Variants in SAMHD1 observed in about 807,000 individuals in gnomAD.
SAMHD1 encodes the protein SAM and HD domain containing deoxynucleoside triphosphate triphosphohydrolase 1, also known as deoxynucleoside triphosphate triphosphohydrolase SAMHD1.
In SAMHD1, 54 loss-of-function variants were observed where a neutral mutation model predicts 79.6. That is an observed-to-expected ratio of 0.68 (90% CI 0.55 to 0.85). SAMHD1 has a LOEUF of 0.85. Ranked by LOEUF, SAMHD1 falls within the 40% of genes least tolerant of loss-of-function variation. The probability of loss-of-function intolerance (pLI) is 0.00; values close to 1 mark genes in which losing one functional copy is unlikely to be tolerated. For synonymous variants in SAMHD1, 260 were observed against 264.1 expected (o/e 0.98, Z 0.15); for missense variants, 663 against 782.7 (o/e 0.85, Z 1.82).
At chr20:36,918,066 G>A (rs1419953129) in intron 7 of SAMHD1, among the ~76,000 whole-genome samples, 2 of 151,562 alleles carry the variant, frequency 1.3e-5, no homozygotes, top group East Asian at 3.9e-4. Context: ...TGCCCAGGCT[G>A]GAGTGCAGTT....
intron 13 of SAMHD1, among the ~76,000 whole-genome samples, chr20:36,902,551 G>A (rs113238694): frequency 1.6e-4 from 24 of 152,130 alleles, no homozygotes; most frequent in African/African-American, 5.8e-4. Flanking sequence ...TTTCGTGACC[G>A]GAAATTTATA....
In SAMHD1 at chr20:36,919,536, CA is replaced by C; in HGVS notation, c.697-18del. The C allele has an allele frequency of 6.2e-7, 1 of 1,612,172 alleles. No homozygotes were observed. Among genetic ancestry groups the C allele is most frequent in the South Asian group, 1.1e-5 (1 of 90,962 alleles). On this transcript the variant is annotated intron_variant, in intron 6 of 15. Coordinates refer to ENST00000646673, the MANE Select transcript of SAMHD1 (RefSeq NM_015474.4). The stretch of plus-strand genomic sequence containing the variant: ...TTGTTCATGCTAGGAAAAGTAAGCA[CA>C]ATATGATGTGTTAAAGATTCTAGCC...
At chr20:36,950,788 G>T (rs770315956) in intron 1 of SAMHD1, among the ~76,000 whole-genome samples, 5 of 152,136 alleles carry the variant, frequency 3.3e-5, no homozygotes, top group Non-Finnish European at 7.3e-5. Flanking sequence ...CCTATCGGGC[G>T]CTGCTGGGAT....
At chr20:36,894,018 T>C (rs1482223429) in intron 15 of SAMHD1, 3 of 398,072 alleles carry the variant, frequency 7.5e-6, no homozygotes, top group Non-Finnish European at 1.3e-5. Context: ...TATTCTGTGG[T>C]TCTAGCTTTT....
chr20:36,938,033 A>G (rs1363596547), intron 3 of SAMHD1, among the ~76,000 whole-genome samples: 1 of 150,864 alleles, frequency 6.6e-6, no homozygotes, highest in Non-Finnish European at 1.5e-5. Context: ...TAATTTTTCT[A>G]TTGTTTTCTA....
rs1466390431 is a variant in SAMHD1 at position 36,892,567 on chromosome 20, G to C, written c.*365C>G. The C allele has an allele frequency of 3.4e-6, 1 of 294,126 alleles. No individual in the cohort carries two copies. Among genetic ancestry groups the C allele is most frequent in the East Asian group, 9.1e-5 (1 of 11,040 alleles). The allele number at this position is 294,126 out of a possible 1,614,324, so 18.2% of individuals were successfully genotyped here. A position where few individuals can be genotyped will look rare whatever the true frequency, so the allele number is the denominator to read the frequency against. ...GCTACTTGGGGGGCTGAGGCAGGAG[G>C]GTCGCTTGAGCCCAGGAAAGTTCGA... is the stretch of plus-strand genomic sequence containing the variant. On this transcript the variant is annotated 3_prime_UTR_variant, in exon 16 of 16. Coordinates refer to ENST00000646673, the MANE Select transcript of SAMHD1 (RefSeq NM_015474.4).
intron 12 of SAMHD1, 70 bp downstream of exon 12, chr20:36,905,294 A>G: frequency 1.3e-6 from 2 of 1,498,996 alleles, no homozygotes; most frequent in Non-Finnish European, 1.9e-6. Flanking sequence ...TAGTATCACG[A>G]TAGGTTAGTG....
At chr20:36,914,761 C>T (rs1034566181) in intron 9 of SAMHD1, among the ~76,000 whole-genome samples, 1 of 151,546 alleles carries the variant, frequency 6.6e-6, no homozygotes, top group African/African-American at 2.4e-5. Flanking sequence ...AATACCAGCA[C>T]TTTGGGAGGC....
rs985047071 is a variant in SAMHD1, at chr20:36,950,191, C to T, written c.208+1245G>A. On this transcript the variant is annotated intron_variant, in intron 1 of 15. Transcript: ENST00000646673. Reference sequence around the variant, plus strand: ...TTCTGGAGGGTAACGAGTTAATCTACAAACCACTGAAACAGAGAGCCAACC... The same window carrying T: ...TTCTGGAGGGTAACGAGTTAATCTATAAACCACTGAAACAGAGAGCCAACC... Among the ~76,000 whole-genome samples, 3 of 152,046 alleles carry T rather than the reference C, an allele frequency of 2.0e-5. No homozygotes were observed. In the East Asian group the frequency reaches 5.8e-4, roughly 29 times the overall value.
rs574915285 is a variant in SAMHD1 at position 36,918,673 on chromosome 20, A to T, written c.852+691T>A. On this transcript the variant is annotated intron_variant, in intron 7 of 15. Coordinates refer to ENST00000646673, the MANE Select transcript of SAMHD1 (RefSeq NM_015474.4). ...AAAGATTTGCCGGGCGTGGTGGCAC[A>T]CACCTGTAATCCCAGCTACTCAGGA... is the stretch of plus-strand genomic sequence containing the variant. Among the ~76,000 whole-genome samples, 529 of 151,718 alleles carry T rather than the reference A, an allele frequency of 3.5e-3. 4 individuals are homozygous for T. Among genetic ancestry groups the T allele is most frequent in the African/African-American group, 0.012 (511 of 41,354 alleles).
chr20:36,903,539 A>C (rs6030022), intron 13 of SAMHD1, among the ~76,000 whole-genome samples: 113,632 of 145,286 alleles, frequency 0.78, 44,495 homozygotes, highest in Middle Eastern at 0.88. Flanking sequence ...GTGCCCAGCA[A>C]TTTTTTTTTT....
chr20:36,924,786 A>C (rs1356231325), intron 6 of SAMHD1, among the ~76,000 whole-genome samples: 2 of 152,114 alleles, frequency 1.3e-5, no homozygotes, highest in African/African-American at 4.8e-5. Flanking sequence ...AGAATGCAGA[A>C]TGATTCATCA....
At chr20:36,900,386 C>T (rs768653697) in intron 13 of SAMHD1, among the ~76,000 whole-genome samples, 1 of 150,920 alleles carries the variant, frequency 6.6e-6, no homozygotes, top group Non-Finnish European at 1.5e-5. Context: ...GCTGGGATTA[C>T]AGGTATGCAC....
chr20:36,907,924 G>A (rs987175462), intron 11 of SAMHD1, among the ~76,000 whole-genome samples: 2 of 151,742 alleles, frequency 1.3e-5, no homozygotes, highest in African/African-American at 2.4e-5. Context: ...CATCCAGGCT[G>A]GAATACAGTG....
At chr20:36,921,597 CAG>C (rs932023106) in intron 6 of SAMHD1, among the ~76,000 whole-genome samples, 2 of 151,680 alleles carry the variant, frequency 1.3e-5, no homozygotes, top group Non-Finnish European at 2.9e-5. Context: ...TTTTTGGAGA[CAG>C]AGTCTAGCTC....
chr20:36,951,284 G>T, intron 1 of SAMHD1, 152 bp downstream of exon 1: 1 of 1,082,504 alleles, frequency 9.2e-7, no homozygotes, highest in Non-Finnish European at 1.3e-6. Flanking sequence ...CCTTTCCTCG[G>T]CGCCCCCAGC....
chr20:36,939,131 G>A (rs1257066690), intron 3 of SAMHD1, among the ~76,000 whole-genome samples: 5 of 142,554 alleles, frequency 3.5e-5, no homozygotes, highest in African/African-American at 1.3e-4. Context: ...GCAGGTGCCT[G>A]TAATCCCAGC....
chr20:36,904,271 A>C, intron 12 of SAMHD1, 22 bp from the exon 13 acceptor site: 1 of 1,508,232 alleles, frequency 6.6e-7, no homozygotes, highest in Non-Finnish European at 9.2e-7. Flanking sequence ...AAGACTCCCC[A>C]TGTTAGAATC....
intron 3 of SAMHD1, among the ~76,000 whole-genome samples, chr20:36,939,439 T>C (rs1262142864): frequency 6.7e-6 from 1 of 149,620 alleles, no homozygotes; most frequent in Non-Finnish European, 1.5e-5. Flanking sequence ...CTAAAAAAAA[T>C]ACAAAAACTA....
Sources: allele counts gnomAD v4.1 joint callset (sites outside exome capture counted in the v4.1 genomes callset), GRCh38; gene constraint gnomAD v4.1.1; transcripts MANE v1.5; gene names NCBI Gene and HGNC (gene_info 2026-07-23, HGNC 2026-07-21).